KANK1: variants seen among roughly 807,000 people sequenced by gnomAD.
KANK1 encodes the protein KN motif and ankyrin repeat domains 1.
KANK1 carries 109 observed loss-of-function variants against 106.2 expected under a neutral mutation model. The ratio of observed to expected loss-of-function variants is 1.03; its 90% confidence interval spans 0.88 to 1.20. KANK1 has a LOEUF of 1.20. Ranked by LOEUF, KANK1 falls within the 50% of genes most tolerant of loss-of-function variation. The probability of loss-of-function intolerance (pLI) is 0.00; values close to 1 mark genes in which losing one functional copy is unlikely to be tolerated. For missense variants in KANK1, 2,399 were observed against 1,710.7 expected, an observed-to-expected ratio of 1.40 and a Z score of -7.10; for synonymous variants, 873 against 652.2, an observed-to-expected ratio of 1.34 and a Z score of -5.16.
Position 745,814 on chromosome 9 carries a change from G to GTATC in KANK1, c.*583_*586dup, listed in dbSNP as rs1837025840. The GTATC allele has an allele frequency of 6.6e-6, 1 of 152,624 alleles. No homozygotes were observed. Among genetic ancestry groups the GTATC allele is most frequent in the Non-Finnish European group, 1.5e-5 (1 of 68,038 alleles). The allele number at this position is 152,624 out of a possible 1,614,324, so 9.5% of individuals were successfully genotyped here. The stretch of plus-strand genomic sequence containing the variant: ...TAATATATGACTTTTTATAAAAAGG[G>GTATC]TATCTATATGAACTTGACACAGTAT... On this transcript the variant is annotated 3_prime_UTR_variant, in exon 12 of 12. Transcript: ENST00000382297.
intron 2 of KANK1, chr9:693,782 G>C: frequency 1.0e-6 from 1 of 985,320 alleles, no homozygotes; most frequent in Non-Finnish European, 1.2e-6. Flanking sequence ...TTTGTTTCTG[G>C]GTGGGTAAGT....
At chr9:709,701 C>T (rs1300762381) in intron 2 of KANK1, among the ~76,000 whole-genome samples, 1 of 151,472 alleles carries the variant, frequency 6.6e-6, no homozygotes, top group Non-Finnish European at 1.5e-5. Context: ...CTGCAACCTC[C>T]ACCTCCTGGA....
At chr9:713,899 A>C (rs551567066) in intron 3 of KANK1, among the ~76,000 whole-genome samples, 2 of 152,342 alleles carry the variant, frequency 1.3e-5, no homozygotes, top group Admixed American at 1.3e-4. Context: ...TAAAACGTTT[A>C]TGAGAGGAGA....
chr9:601,152 G>A (rs1827641452), intron 1 of KANK1, among the ~76,000 whole-genome samples: 2 of 151,790 alleles, frequency 1.3e-5, no homozygotes, highest in Admixed American at 6.6e-5. Context: ...GAGAAATGTT[G>A]CAAAGGTAGT....
At chr9:684,553 C>T (rs1488342988) in intron 2 of KANK1, 1 of 985,432 alleles carries the variant, frequency 1.0e-6, no homozygotes, top group Non-Finnish European at 1.2e-6. Context: ...GTGCTCTGCT[C>T]TTCCTCAGCA....
At chr9:734,592 G>C in intron 6 of KANK1, 156 bp from the exon 7 acceptor site, 1 of 528,764 alleles carries the variant, frequency 1.9e-6, no homozygotes, top group Non-Finnish European at 3.5e-6. Flanking sequence ...CTTGAATCCA[G>C]GAGGCGGAGG....
intron 1 of KANK1, among the ~76,000 whole-genome samples, chr9:525,023 G>A (rs1275478767): frequency 3.6e-5 from 4 of 111,524 alleles, no homozygotes; most frequent in Non-Finnish European, 6.6e-5. Flanking sequence ...GTCTCACTCT[G>A]TCACCCAGGC....
chr9:734,670 A>T, intron 6 of KANK1, 78 bp from the exon 7 acceptor site: 2 of 1,129,272 alleles, frequency 1.8e-6, no homozygotes, highest in South Asian at 2.7e-5. Context: ...TGTCTCAAAA[A>T]AAAAATTAGA....
At chr9:603,249 G>C (rs1828229939) in intron 1 of KANK1, among the ~76,000 whole-genome samples, 1 of 151,862 alleles carries the variant, frequency 6.6e-6, no homozygotes. Flanking sequence ...AAATGTGTCA[G>C]AGTGTGGCAC....
intron 1 of KANK1, among the ~76,000 whole-genome samples, chr9:526,239 C>A (rs947085485): frequency 6.6e-6 from 1 of 151,750 alleles, no homozygotes; most frequent in Admixed American, 6.6e-5. Context: ...GAGAACGGGA[C>A]GGCAGAGCAA....
rs182176410 is a variant in KANK1 at position 726,883 on chromosome 9, C to G, written c.2699-3168C>G. 2.8e-4 allele frequency among the ~76,000 whole-genome samples: 43 copies of G among 152,264 alleles called. No individual in the cohort carries two copies. In the East Asian group the frequency reaches 6.0e-3, roughly 21 times the overall value. On this transcript the variant is annotated intron_variant, in intron 3 of 11. Transcript: ENST00000382297. ...GCTGAGGCACAAGAATCTCTTGAAC[C>G]AAGAAGGCAGAGGTTGCAGTGAGCC...
chr9:536,209 C>T (rs1338643197), intron 1 of KANK1, among the ~76,000 whole-genome samples: 1 of 152,002 alleles, frequency 6.6e-6, no homozygotes, highest in Non-Finnish European at 1.5e-5. Context: ...GACATGGTGG[C>T]GGGCACCTGT....
Position 624,500 on chromosome 9 carries a change from A to G in KANK1, c.-83-52390A>G, listed in dbSNP as rs150530915. ...AAATCAGAAGCATCCTAAAAGTTGCATTAAAAACAATGATGAAAACAGGCC... is the reference window on the plus strand; with the variant it reads ...AAATCAGAAGCATCCTAAAAGTTGCGTTAAAAACAATGATGAAAACAGGCC... On this transcript the variant is annotated intron_variant, in intron 1 of 11. Coordinates refer to ENST00000382297, the MANE Select transcript of KANK1 (RefSeq NM_015158.5). Among the ~76,000 whole-genome samples, 35 of 152,256 alleles carry G rather than the reference A, an allele frequency of 2.3e-4. 1 individual carries two copies. In the East Asian group the frequency reaches 6.4e-3, roughly 28 times the overall value.
chr9:558,374 G>A (rs1815432981), intron 1 of KANK1, among the ~76,000 whole-genome samples: 1 of 152,212 alleles, frequency 6.6e-6, no homozygotes, highest in Admixed American at 6.5e-5. Context: ...ATTGCTCCTA[G>A]GGGAACAATA....
At chr9:592,342 G>T (rs1825133089) in intron 1 of KANK1, among the ~76,000 whole-genome samples, 1 of 151,780 alleles carries the variant, frequency 6.6e-6, no homozygotes, top group East Asian at 1.9e-4. Flanking sequence ...CGGGAAGCCG[G>T]GGGAGGGGGA....
At chr9:726,087 A>C (rs1481210769) in intron 3 of KANK1, among the ~76,000 whole-genome samples, 1 of 152,212 alleles carries the variant, frequency 6.6e-6, no homozygotes, top group African/African-American at 2.4e-5. Context: ...ATGTAAATAT[A>C]ATTATTTACT....
chr9:684,879 C>T (rs1029091458), intron 2 of KANK1, among the ~76,000 whole-genome samples: 28 of 150,946 alleles, frequency 1.9e-4, no homozygotes, highest in Admixed American at 1.6e-3. Flanking sequence ...TTCACAGAAA[C>T]GATAAGTTCT....
At chr9:672,545 C>T (rs201155587) in intron 1 of KANK1, among the ~76,000 whole-genome samples, 1 of 151,828 alleles carries the variant, frequency 6.6e-6, no homozygotes, top group East Asian at 1.9e-4. Context: ...ATCAACATTA[C>T]CATCAATATT....
At chr9:567,488 G>A (rs1818090244) in intron 1 of KANK1, among the ~76,000 whole-genome samples, 1 of 152,226 alleles carries the variant, frequency 6.6e-6, no homozygotes, top group Admixed American at 6.5e-5. Context: ...GCCCAGGAAT[G>A]ACGAAGGACA....
Sources: allele counts gnomAD v4.1 joint callset (sites outside exome capture counted in the v4.1 genomes callset), GRCh38; gene constraint gnomAD v4.1.1; transcripts MANE v1.5; gene names NCBI Gene and HGNC (gene_info 2026-07-23, HGNC 2026-07-21).